The following MAPK4 variants were observed in gnomAD, a reference collection of about 807,000 sequenced individuals.
MAPK4 encodes the protein mitogen-activated protein kinase 4, also known as Erk3-related.
In MAPK4, 22 loss-of-function variants were observed where a neutral mutation model predicts 47.7. The ratio of observed to expected loss-of-function variants is 0.46; its 90% CI spans 0.33 to 0.66. MAPK4 has a LOEUF of 0.66. Among genes scored for constraint, MAPK4 ranks in the 30% least tolerant of loss-of-function variants. MAPK4 has a pLI of 0.02. For missense variants in MAPK4, 736 were observed against 831.7 expected, an observed-to-expected ratio of 0.88 and a Z score of 1.42; for synonymous variants, 390 against 365.7, an observed-to-expected ratio of 1.07 and a Z score of -0.76.
At chr18:50,695,431 G>A (rs17662824) in intron 2 of MAPK4, among the ~76,000 whole-genome samples, 4,767 of 150,476 alleles carry the variant, frequency 0.032, 106 homozygotes, top group South Asian at 0.059. Flanking sequence ...GAGTGATACC[G>A]ACTGGGTCTT....
In MAPK4 at chr18:50,625,329, G is replaced by A. The variant is rs150072608; in HGVS notation, c.-870-37760G>A. Among the ~76,000 whole-genome samples the A allele has an allele frequency of 1.7e-3, 266 of 152,256 alleles. 2 individuals are homozygous for A. The highest frequency in any genetic ancestry group is 6.2e-3 in the African/African-American group (257 of 41,546). On this transcript the variant is annotated intron_variant, in intron 1 of 5. Coordinates refer to ENST00000400384, the MANE Select transcript of MAPK4 (RefSeq NM_002747.4). Reference sequence around the variant, plus strand: ...TGGGATGCTAAGAGATGGCAAAAGCGCTGGGCATGAATTATGGCAAGATTT... The same window carrying A: ...TGGGATGCTAAGAGATGGCAAAAGCACTGGGCATGAATTATGGCAAGATTT...
intron 1 of MAPK4, among the ~76,000 whole-genome samples, chr18:50,575,774 C>T (rs575047078): frequency 3.1e-5 from 3 of 97,180 alleles, no homozygotes; most frequent in South Asian, 3.5e-4. Flanking sequence ...CTATTAGGAA[C>T]TTAAATGAAT....
At chr18:50,576,871 G>A (rs191919798) in intron 1 of MAPK4, among the ~76,000 whole-genome samples, 3 of 152,318 alleles carry the variant, frequency 2.0e-5, no homozygotes, top group Non-Finnish European at 2.9e-5. Context: ...AGTAGGCATA[G>A]TTGGAAAGGA....
chr18:50,605,007 T>C (rs956458559), intron 1 of MAPK4, among the ~76,000 whole-genome samples: 1 of 152,212 alleles, frequency 6.6e-6, no homozygotes. Context: ...AGGAGGATGG[T>C]AGTTACAGCC....
At chr18:50,704,180 C>G (rs1359617634) in intron 2 of MAPK4, among the ~76,000 whole-genome samples, 2 of 152,176 alleles carry the variant, frequency 1.3e-5, no homozygotes, top group East Asian at 3.8e-4. Flanking sequence ...TCACGCCCTC[C>G]AGACCCATCT....
intron 1 of MAPK4, among the ~76,000 whole-genome samples, chr18:50,635,573 A>G (rs1455420948): frequency 6.6e-6 from 1 of 152,188 alleles, no homozygotes; most frequent in Non-Finnish European, 1.5e-5. Context: ...AAAAATGCAA[A>G]TATGATCTTG....
rs539402408 is a variant in MAPK4, at chr18:50,681,074, CTT to C, written c.546+16581_546+16582del. On this transcript the variant is annotated intron_variant, in intron 2 of 5. Transcript: ENST00000400384. ...CAATTTATCCACATCCTCACCAACA[CTT>C]TTTTTTTTTTAAATTTTAGCCATCC... Among the ~76,000 whole-genome samples the C allele has an allele frequency of 3.4e-3, 499 of 146,552 alleles. 2 individuals carry two copies. The highest frequency in any genetic ancestry group is 0.012 in the African/African-American group (478 of 40,244).
At chr18:50,715,524 T>C (rs1454155251) in intron 3 of MAPK4, among the ~76,000 whole-genome samples, 1 of 152,206 alleles carries the variant, frequency 6.6e-6, no homozygotes, top group African/African-American at 2.4e-5. Flanking sequence ...CCCAAGGTGA[T>C]GCTATTAGGA....
chr18:50,726,139 A>C lies in MAPK4; in HGVS notation c.1031A>C (p.Gln344Pro). ...IDDIVLMAAN[Q>P]SQLSNWDTCS... is the part of the protein sequence containing the mutation. ...GACATCGTGCTGATGGCCGCTAACCAGAGCCAGCTGTCCAACTGGGACACG... is the reference window on the plus strand; with the variant it reads ...GACATCGTGCTGATGGCCGCTAACCCGAGCCAGCTGTCCAACTGGGACACG... The change falls in exon 5 of 6, where the codon CAG becomes CCG. Residue 344 changes from glutamine (Q) to proline (P), a missense_variant. Around this residue, in one of 3 missense-constraint regions of MAPK4, gnomAD observed 377 missense variants for 378.6 expected, o/e 1.00. Coordinates refer to ENST00000400384, the MANE Select transcript of MAPK4 (RefSeq NM_002747.4). The C allele has an allele frequency of 6.2e-7, 1 of 1,614,140 alleles. No homozygotes were observed. The highest frequency in any genetic ancestry group is 8.5e-7 in the Non-Finnish European group (1 of 1,180,034).
At chr18:50,618,269 C>G (rs1017188822) in intron 1 of MAPK4, among the ~76,000 whole-genome samples, 6 of 152,090 alleles carry the variant, frequency 3.9e-5, no homozygotes, top group Non-Finnish European at 7.4e-5. Context: ...TCTGGGCTTC[C>G]CTGGTATTGT....
chr18:50,584,131 G>A (rs1401055324), intron 1 of MAPK4, among the ~76,000 whole-genome samples: 2 of 152,114 alleles, frequency 1.3e-5, no homozygotes, highest in Non-Finnish European at 2.9e-5. Context: ...AGAGATTTCT[G>A]GATAAAAACC....
chr18:50,723,856 C>T (rs542328797), intron 4 of MAPK4, among the ~76,000 whole-genome samples: 28 of 123,830 alleles, frequency 2.3e-4, no homozygotes, highest in African/African-American at 8.7e-4. Flanking sequence ...AGGAGTGAGA[C>T]CCTGTCTCAA....
At chr18:50,623,228 G>C (rs763926219) in intron 1 of MAPK4, among the ~76,000 whole-genome samples, 1 of 152,206 alleles carries the variant, frequency 6.6e-6, no homozygotes, top group East Asian at 1.9e-4. Flanking sequence ...AGTCTCAGGC[G>C]GGGAGTGGTT....
At chr18:50,567,351 C>T (rs1208887553) in intron 1 of MAPK4, among the ~76,000 whole-genome samples, 1 of 152,196 alleles carries the variant, frequency 6.6e-6, no homozygotes, top group Non-Finnish European at 1.5e-5. Context: ...TCCTTAGAAG[C>T]TCGTTAATTT....
chr18:50,628,481 G>A (rs1244811759), intron 1 of MAPK4, among the ~76,000 whole-genome samples: 3 of 152,210 alleles, frequency 2.0e-5, no homozygotes, highest in South Asian at 2.1e-4. Context: ...TTAAGCACAC[G>A]CAACGCCTTA....
intron 2 of MAPK4, among the ~76,000 whole-genome samples, chr18:50,713,094 G>A (rs1204594798): frequency 1.3e-5 from 2 of 152,220 alleles, no homozygotes; most frequent in Admixed American, 1.3e-4. Flanking sequence ...AGACAGAAAA[G>A]AGCAGTTGCT....
At chr18:50,643,552 C>G (rs1370302819) in intron 1 of MAPK4, among the ~76,000 whole-genome samples, 1 of 152,246 alleles carries the variant, frequency 6.6e-6, no homozygotes, top group Non-Finnish European at 1.5e-5. Context: ...TCCCTCCTCA[C>G]TAATTCTCAT....
At chr18:50,688,473 G>T (rs1359509757) in intron 2 of MAPK4, among the ~76,000 whole-genome samples, 3 of 152,226 alleles carry the variant, frequency 2.0e-5, no homozygotes, top group Non-Finnish European at 4.4e-5. Context: ...GAAAGTACTT[G>T]CCTGGCTTCT....
At chr18:50,693,455 C>T (rs1019994228) in intron 2 of MAPK4, among the ~76,000 whole-genome samples, 4 of 152,098 alleles carry the variant, frequency 2.6e-5, no homozygotes, top group Admixed American at 2.0e-4. Flanking sequence ...GACAAAGAGA[C>T]AGAAAAAAAT....
Sources: gnomAD v4.1 joint callset for allele counts (sites outside exome capture counted in the v4.1 genomes callset) on GRCh38, gnomAD v4.1.1 for gene constraint, gnomAD v4.1.1 regional missense constraint, MANE v1.5 for transcripts, NCBI Gene and HGNC (gene_info 2026-07-23, HGNC 2026-07-21) for gene names.